The following CTCFL variants were observed in gnomAD, a reference collection of about 807,000 sequenced individuals.
The protein encoded by CTCFL is CCCTC-binding factor like, also known as transcriptional repressor CTCFL.
In CTCFL, 36 loss-of-function variants were observed where a neutral mutation model predicts 67.4. The observed-to-expected ratio is 0.53, with a 90% CI of 0.41 to 0.71. CTCFL has a LOEUF of 0.71. Ranked by LOEUF, CTCFL falls within the 30% of genes least tolerant of loss-of-function variation. The pLI is 0.00. For missense variants in CTCFL, 786 were observed against 835.2 expected (o/e 0.94, Z 0.73); for synonymous variants, 324 against 302.3 (o/e 1.07, Z -0.75).
At chr20:57,496,553 T>C (rs2067726401), downstream of CTCFL, among the ~76,000 whole-genome samples, 1 of 152,214 alleles carries the variant, frequency 6.6e-6, no homozygotes, top group Admixed American at 6.5e-5. Flanking sequence ...TCTCCAGAAC[T>C]CTTTCTTCAT....
At position 57,498,747 on chromosome 20, in the gene CTCFL, A is replaced by T. The variant is rs761358130; in HGVS notation, c.1841-46T>A. On this transcript the variant is annotated intron_variant, in intron 10 of 10. Coordinates refer to ENST00000243914, the MANE Select transcript of CTCFL (RefSeq NM_001386993.1). ...GAGCAAATTTATCAGAAAGCTAAGG[A>T]ATTGGAATTTATAAACTGTGCAAAT... is the stretch of plus-strand genomic sequence containing the variant. 1.2e-5 allele frequency: 18 copies of T among 1,549,180 alleles called. No homozygotes were observed. In the East Asian group the frequency reaches 4.1e-4, roughly 35 times the overall value.
rs1032562284 is a variant in CTCFL at position 57,525,039 on chromosome 20, T to G, written c.-23A>C. On this transcript the variant is annotated 5_prime_UTR_variant, in exon 1 of 11. Coordinates refer to ENST00000243914, the MANE Select transcript of CTCFL (RefSeq NM_001386993.1). ...GACTGGCCCCTCACCGCGGAAGGCG[T>G]GGCCGGAATGCTCGGCCCACTCCGT... The G allele has an allele frequency of 6.6e-6, 1 of 151,958 alleles. No individual in the cohort carries two copies. The highest frequency in any genetic ancestry group is 1.5e-5 in the Non-Finnish European group (1 of 68,064). The allele number at this position is 151,958 out of a possible 1,614,324, so 9.4% of individuals were successfully genotyped here.
At chr20:57,500,085 A>ATTTTTTTTTTTTTTTTTTTT (rs3068009) in intron 10 of CTCFL, 1 of 639,826 alleles carries the variant, frequency 1.6e-6, no homozygotes, top group Non-Finnish European at 1.9e-6. Context: ...TCCTTGAAGT[A>ATTTTTTTTTTTTTTTTTTTT]TTTTTTTTTT....
intron 8 of CTCFL, among the ~76,000 whole-genome samples, chr20:57,509,283 G>A (rs921513634): frequency 3.1e-5 from 4 of 128,838 alleles, no homozygotes; most frequent in African/African-American, 5.5e-5. Context: ...TCTTAATACC[G>A]ATTTTTTTTT....
intron 3 of CTCFL, among the ~76,000 whole-genome samples, chr20:57,521,456 C>A (rs2069354858): frequency 6.6e-6 from 1 of 152,242 alleles, no homozygotes; most frequent in Non-Finnish European, 1.5e-5. Context: ...GGAAGCAACA[C>A]ACACTGCTGG....
chr20:57,515,648 A>T, intron 6 of CTCFL, 66 bp downstream of exon 6: 1 of 1,605,744 alleles, frequency 6.2e-7, no homozygotes, highest in Non-Finnish European at 8.5e-7. Flanking sequence ...ATAAAAAGTA[A>T]TTTTTTAAAG....
chr20:57,500,343 T>C, intron 10 of CTCFL: 2 of 375,036 alleles, frequency 5.3e-6, no homozygotes, highest in Non-Finnish European at 9.4e-6. Context: ...TAATCCCAGC[T>C]CCGGAGACTG....
chr20:57,504,011 C>A (rs932155292), intron 9 of CTCFL, among the ~76,000 whole-genome samples: 2 of 152,180 alleles, frequency 1.3e-5, no homozygotes, highest in Admixed American at 1.3e-4. Flanking sequence ...ATGTTTGGGG[C>A]ACTCGCCCAG....
chr20:57,524,170 T>A lies in CTCFL; in HGVS notation c.36A>T (p.Gln12His), dbSNP rs770710599. 1 of 1,613,428 alleles carries A rather than the reference T, an allele frequency of 6.2e-7. No homozygotes were observed. The highest frequency in any genetic ancestry group is 2.2e-5 in the East Asian group (1 of 44,886). The change falls in exon 2 of 11, where the codon CAA becomes CAT. Residue 12 changes from glutamine (Q) to histidine (H), a missense_variant. Gln to His is a conservative substitution (Grantham distance 24). Coordinates refer to ENST00000243914, the MANE Select transcript of CTCFL (RefSeq NM_001386993.1). ...AATEISVLSE[Q>H]FTKIKELELM... is the part of the protein sequence containing the mutation. Reference sequence around the variant, plus strand: ...ACTCGAGTTCTTTGATCTTGGTGAATTGCTCAGAAAGGACAGAGATCTCAG... The same window carrying A: ...ACTCGAGTTCTTTGATCTTGGTGAAATGCTCAGAAAGGACAGAGATCTCAG...
Position 57,524,194 on chromosome 20 carries a change from A to C in CTCFL, c.12T>G (p.Thr4=). 6.2e-7 allele frequency: 1 copy of C among 1,612,340 alleles called. No homozygotes were observed. The highest frequency in any genetic ancestry group is 8.5e-7 in the Non-Finnish European group (1 of 1,179,700). The change falls in exon 2 of 11, where the codon ACT becomes ACG. Residue 4 remains threonine (T), a synonymous_variant. Coordinates refer to ENST00000243914, the MANE Select transcript of CTCFL (RefSeq NM_001386993.1). MAA[T]EISVLSEQFT... is the part of the protein sequence containing the mutation. The stretch of plus-strand genomic sequence containing the variant: ...ATTGCTCAGAAAGGACAGAGATCTC[A>C]GTGGCTGCCATAATGACTTGGCCTG...
At chr20:57,520,120 G>C (rs2069243698) in intron 3 of CTCFL, among the ~76,000 whole-genome samples, 1 of 152,194 alleles carries the variant, frequency 6.6e-6, no homozygotes, top group Non-Finnish European at 1.5e-5. Context: ...GAGGGAAGGT[G>C]GCCCCAGTGA....
rs1054462971 is a variant in CTCFL at position 57,514,589 on chromosome 20, C to T, written c.1330+3G>A. The stretch of plus-strand genomic sequence containing the variant: ...GTAAAAGAAAGATCGCTAAACCACT[C>T]ACGTAGGTCGCTTTTCCGTGCAATG... On this transcript the variant is annotated splice_donor_region_variant and intron_variant, in intron 7 of 10. Coordinates refer to ENST00000243914, the MANE Select transcript of CTCFL (RefSeq NM_001386993.1). 2.5e-6 allele frequency: 4 copies of T among 1,613,912 alleles called. No homozygotes were observed. Among genetic ancestry groups the T allele is most frequent in the South Asian group, 1.1e-5 (1 of 91,060 alleles).
chr20:57,516,775 T>C (rs563760699), intron 5 of CTCFL, among the ~76,000 whole-genome samples: 1 of 152,330 alleles, frequency 6.6e-6, no homozygotes, highest in South Asian at 2.1e-4. Flanking sequence ...TAATTATGTA[T>C]CCCAGGCAAT....
At chr20:57,513,360 G>A in intron 7 of CTCFL, 1 of 986,640 alleles carries the variant, frequency 1.0e-6, no homozygotes. Flanking sequence ...ATGGTCTTGT[G>A]ATACTTGTGT....
chr20:57,517,010 A>G (rs1436583841), intron 5 of CTCFL, among the ~76,000 whole-genome samples: 1 of 152,212 alleles, frequency 6.6e-6, no homozygotes, highest in Non-Finnish European at 1.5e-5. Context: ...CTCCCCAGTA[A>G]GTGATGAGCG....
rs145244136 is a variant in CTCFL at position 57,504,198 on chromosome 20, G to A, written c.1675-597C>T. 3.7e-4 allele frequency among the ~76,000 whole-genome samples: 56 copies of A among 151,374 alleles called. 1 individual carries two copies. Among genetic ancestry groups the A allele is most frequent in the Middle Eastern group, 3.4e-3 (1 of 294 alleles). On this transcript the variant is annotated intron_variant, in intron 9 of 10. Transcript: ENST00000243914. Reference sequence around the variant, plus strand: ...TCACCGTGTTAGCCAGGATGGTCTCGATCTCCTGATATTGTGATCTGCCCA... The same window carrying A: ...TCACCGTGTTAGCCAGGATGGTCTCAATCTCCTGATATTGTGATCTGCCCA...
chr20:57,503,738 T>C lies in CTCFL; in HGVS notation c.1675-137A>G, dbSNP rs986569519. The C allele has an allele frequency of 3.9e-5, 33 of 838,272 alleles. No homozygotes were observed. The African/African-American group carries it at 5.3e-4, about 13-fold the overall frequency. The allele number at this position is 838,272 out of a possible 1,614,324, so 51.9% of individuals were successfully genotyped here. A position where few individuals can be genotyped will look rare whatever the true frequency, so the allele number is the denominator to read the frequency against. On this transcript the variant is annotated intron_variant, in intron 9 of 10. Transcript: ENST00000243914. ...TCGAGGGCAATTCCACACACCTCGC[T>C]AGCCCTAAGAAGTAAATAAGCAACT...
intron 8 of CTCFL, among the ~76,000 whole-genome samples, chr20:57,512,255 C>T (rs140948691): frequency 2.2e-4 from 34 of 152,318 alleles, no homozygotes; most frequent in African/African-American, 7.5e-4. Flanking sequence ...CACTGGGTGT[C>T]ACTGCCTTGA....
At position 57,509,039 on chromosome 20, in the gene CTCFL, G is replaced by T. The variant is rs536951681; in HGVS notation, c.1492-251C>A. Among the ~76,000 whole-genome samples the T allele has an allele frequency of 7.1e-4, 108 of 152,298 alleles. 2 individuals are homozygous for T. Among genetic ancestry groups the T allele is most frequent in the Non-Finnish European group, 1.4e-3 (93 of 68,024 alleles). On this transcript the variant is annotated intron_variant, in intron 8 of 10. Transcript: ENST00000243914. ...GATTCCTTGCTGGCTCTCCTGTCCTGTTGGGATGTGGGAGTACACACCGCA... is the reference window on the plus strand; with the variant it reads ...GATTCCTTGCTGGCTCTCCTGTCCTTTTGGGATGTGGGAGTACACACCGCA...
Sources: allele counts gnomAD v4.1 joint callset (sites outside exome capture counted in the v4.1 genomes callset), GRCh38; gene constraint gnomAD v4.1.1; transcripts MANE v1.5; gene names NCBI Gene and HGNC (gene_info 2026-07-23, HGNC 2026-07-21).